Variants in KIRREL3 observed in about 807,000 individuals in gnomAD.
The protein encoded by KIRREL3 is kirre like nephrin family adhesion molecule 3.
A neutral mutation model predicts 89.7 loss-of-function variants in KIRREL3; 36 were observed. That is an observed-to-expected ratio of 0.40 (90% CI 0.31 to 0.53). KIRREL3 has a LOEUF of 0.53. Ranked by LOEUF, KIRREL3 falls within the 20% of genes least tolerant of loss-of-function variation. KIRREL3 has a pLI of 0.49. For synonymous variants in KIRREL3, 445 were observed against 441.4 expected (o/e 1.01, Z -0.10); for missense variants, 864 against 1,056.6 (o/e 0.82, Z 2.53).
In KIRREL3 at chr11:126,513,147, C is replaced by T. The variant is rs1958280696; in HGVS notation, c.433+8168G>A. Among the ~76,000 whole-genome samples the T allele has an allele frequency of 1.3e-5, 2 of 152,168 alleles. No homozygotes were observed. Among genetic ancestry groups the T allele is most frequent in the South Asian group, 2.1e-4 (1 of 4,836 alleles). ...GTGATGGGGGTGCAGCCACTGGGGCCAGGCAACAGCAGGAGGCTGAACCCC... is the reference window on the plus strand; with the variant it reads ...GTGATGGGGGTGCAGCCACTGGGGCTAGGCAACAGCAGGAGGCTGAACCCC... On this transcript the variant is annotated intron_variant, in intron 4 of 16. Transcript: ENST00000525144. This position sits in a 1 kb window ranked among gnomAD's most constrained non-coding sequence, Gnocchi z 5.9.
At position 126,994,187 on chromosome 11, in the gene KIRREL3, T is replaced by G. The variant is rs899340407; in HGVS notation, c.55+6268A>C. Reference sequence around the variant, plus strand: ...GATATCACACTGATTTAACATTAAGTGGTGTGTGCGTGTGTGTGTGTGTAT... The same window carrying G: ...GATATCACACTGATTTAACATTAAGGGGTGTGTGCGTGTGTGTGTGTGTAT... On this transcript the variant is annotated intron_variant, in intron 1 of 16. Coordinates refer to ENST00000525144, the MANE Select transcript of KIRREL3 (RefSeq NM_032531.4). The surrounding 1 kb of genome is among the most constrained non-coding windows in gnomAD (Gnocchi z 5.2). 2.6e-5 allele frequency among the ~76,000 whole-genome samples: 4 copies of G among 151,652 alleles called. No individual in the cohort carries two copies. Among genetic ancestry groups the G allele is most frequent in the African/African-American group, 9.7e-5 (4 of 41,054 alleles).
chr11:126,838,550 G>A (rs1370200161), intron 1 of KIRREL3, among the ~76,000 whole-genome samples: 1 of 152,170 alleles, frequency 6.6e-6, no homozygotes, highest in Non-Finnish European at 1.5e-5. Context: ...TGAGGTTTCT[G>A]TTTTTTAAAG....
chr11:126,506,722 A>C (rs1013279794), intron 4 of KIRREL3, among the ~76,000 whole-genome samples: 2 of 152,252 alleles, frequency 1.3e-5, no homozygotes, highest in Non-Finnish European at 2.9e-5. Context: ...TCTACTCATG[A>C]AAAGTGAAAA....
At chr11:126,449,372 G>T (rs1955940666) in intron 7 of KIRREL3, among the ~76,000 whole-genome samples, 1 of 152,204 alleles carries the variant, frequency 6.6e-6, no homozygotes, top group African/African-American at 2.4e-5. Context: ...GAAGGCAGTG[G>T]GCTTTGGTTT....
intron 10 of KIRREL3, among the ~76,000 whole-genome samples, chr11:126,442,346 ACAC>A (rs759161233): frequency 9.1e-5 from 13 of 143,164 alleles, no homozygotes; most frequent in African/African-American, 1.9e-4. Context: ...ACACACACAC[ACAC>A]ACACAAAACC....
In KIRREL3 at chr11:126,624,816, T is replaced by G. The variant is rs1477439555; in HGVS notation, c.56-61904A>C. Among the ~76,000 whole-genome samples, 4 of 152,272 alleles carry G rather than the reference T, an allele frequency of 2.6e-5. No homozygotes were observed. In the South Asian group the frequency reaches 8.3e-4, roughly 32 times the overall value. On this transcript the variant is annotated intron_variant, in intron 1 of 16. Transcript: ENST00000525144. This position sits in a 1 kb window ranked among gnomAD's most constrained non-coding sequence, Gnocchi z 6.0. Reference sequence around the variant, plus strand: ...TGAGGCCAACTACGGAGGGCAGAGCTGATGGAAGGGCCCGTTGGATACTGA... The same window carrying G: ...TGAGGCCAACTACGGAGGGCAGAGCGGATGGAAGGGCCCGTTGGATACTGA...
intron 1 of KIRREL3, among the ~76,000 whole-genome samples, chr11:126,826,284 T>C (rs1046912850): frequency 3.3e-5 from 5 of 152,126 alleles, no homozygotes; most frequent in African/African-American, 1.2e-4. Flanking sequence ...TCCGGAAAAA[T>C]TTAGATGCTC....
Position 126,703,312 on chromosome 11 carries a change from G to C in KIRREL3, c.56-140400C>G, listed in dbSNP as rs191622981. On this transcript the variant is annotated intron_variant, in intron 1 of 16. Coordinates refer to ENST00000525144, the MANE Select transcript of KIRREL3 (RefSeq NM_032531.4). This position sits in a 1 kb window ranked among gnomAD's most constrained non-coding sequence, Gnocchi z 4.6. ...TGGTCTGCGGAGGAATGGTGCTCCTGAGAGCTGTTCTCTGCAGCAGCTTTG... is the reference window on the plus strand; with the variant it reads ...TGGTCTGCGGAGGAATGGTGCTCCTCAGAGCTGTTCTCTGCAGCAGCTTTG... Among the ~76,000 whole-genome samples the C allele has an allele frequency of 6.6e-6, 1 of 152,376 alleles. No homozygotes were observed. Among genetic ancestry groups the C allele is most frequent in the African/African-American group, 2.4e-5 (1 of 41,584 alleles).
In KIRREL3 at chr11:126,631,120, TATGTATTCATTC is replaced by T. The variant is rs1423576653; in HGVS notation, c.56-68220_56-68209del. On this transcript the variant is annotated intron_variant, in intron 1 of 16. Transcript: ENST00000525144. Reference sequence around the variant, plus strand: ...GTTGTCTGTGCAATCAGTCTGTATGTATGTATTCATTCATTCATTCATTCATTCATTCATTCA... The same window carrying T: ...GTTGTCTGTGCAATCAGTCTGTATGTATTCATTCATTCATTCATTCATTCA... Among the ~76,000 whole-genome samples the T allele has an allele frequency of 5.7e-3, 800 of 139,654 alleles. 8 individuals are homozygous for T. Among genetic ancestry groups the T allele is most frequent in the East Asian group, 0.014 (62 of 4,312 alleles). 91.6% of individuals were successfully genotyped at this position (139,654 alleles called of 152,430 possible).
Position 126,683,823 on chromosome 11 carries a change from C to G in KIRREL3, c.56-120911G>C, listed in dbSNP as rs1375897340. ...ATGCAAACTGCTTATGTGGTAGAAA[C>G]AGGAAGCCGTCTTGAAACCCTCGCC... On this transcript the variant is annotated intron_variant, in intron 1 of 16. Transcript: ENST00000525144. This position sits in a 1 kb window ranked among gnomAD's most constrained non-coding sequence, Gnocchi z 5.2. Among the ~76,000 whole-genome samples the G allele has an allele frequency of 6.6e-6, 1 of 152,220 alleles. No individual in the cohort carries two copies. Among genetic ancestry groups the G allele is most frequent in the African/African-American group, 2.4e-5 (1 of 41,460 alleles).
At chr11:126,973,337 T>G (rs1297497813) in intron 1 of KIRREL3, among the ~76,000 whole-genome samples, 1 of 152,130 alleles carries the variant, frequency 6.6e-6, no homozygotes. Flanking sequence ...TTCAGTTGCA[T>G]AGAGAGCTGC....
intron 4 of KIRREL3, among the ~76,000 whole-genome samples, chr11:126,507,006 T>C (rs1958042291): frequency 1.3e-5 from 2 of 152,194 alleles, no homozygotes; most frequent in Non-Finnish European, 2.9e-5. Flanking sequence ...GAATGTGGTA[T>C]ATCCATATAA....
At chr11:126,849,664 T>C (rs1343657005) in intron 1 of KIRREL3, among the ~76,000 whole-genome samples, 1 of 152,118 alleles carries the variant, frequency 6.6e-6, no homozygotes, top group African/African-American at 2.4e-5. Flanking sequence ...TCACAGACAT[T>C]TGACTAAAGG....
rs1951053296 is a variant in KIRREL3, at chr11:126,802,064, C to T, written c.55+198391G>A. On this transcript the variant is annotated intron_variant, in intron 1 of 16. Transcript: ENST00000525144. This position sits in a 1 kb window ranked among gnomAD's most constrained non-coding sequence, Gnocchi z 5.2. ...ATTGCTATTCCATAGGCAAATGATG[C>T]TGCCAAACAGTCATTTGTGGCTGTG... 6.6e-6 allele frequency among the ~76,000 whole-genome samples: 1 copy of T among 152,176 alleles called. No individual in the cohort carries two copies. Among genetic ancestry groups the T allele is most frequent in the African/African-American group, 2.4e-5 (1 of 41,456 alleles).
intron 1 of KIRREL3, among the ~76,000 whole-genome samples, chr11:126,854,523 G>T (rs1250335899): frequency 2.0e-5 from 3 of 151,998 alleles, no homozygotes; most frequent in African/African-American, 4.8e-5. Flanking sequence ...TGTATTCCAG[G>T]TTCATCCATG....
chr11:126,429,309 T>C lies in KIRREL3; in HGVS notation c.1697-21A>G. 1 of 1,534,778 alleles carries C rather than the reference T, an allele frequency of 6.5e-7. No individual in the cohort carries two copies. The highest frequency in any genetic ancestry group is 1.1e-5 in the South Asian group (1 of 89,324). On this transcript the variant is annotated intron_variant, in intron 14 of 16. Transcript: ENST00000525144. The surrounding 1 kb of genome is among the most constrained non-coding windows in gnomAD (Gnocchi z 5.2). ...GAGATCTGGAGATAAAATAGTAAAGTGTAGATGATAGATTTAGTTCTTACC... is the reference window on the plus strand; with the variant it reads ...GAGATCTGGAGATAAAATAGTAAAGCGTAGATGATAGATTTAGTTCTTACC...
Position 126,880,095 on chromosome 11 carries a change from A to G in KIRREL3, c.55+120360T>C, listed in dbSNP as rs768803564. Among the ~76,000 whole-genome samples the G allele has an allele frequency of 1.1e-3, 163 of 152,296 alleles. 1 individual carries two copies. The highest frequency in any genetic ancestry group is 3.4e-3 in the Middle Eastern group (1 of 294). The stretch of plus-strand genomic sequence containing the variant: ...CCTTTCTTGGATGAATGGATTAGCC[A>G]ATACAGATGTGCGAATTATCCTTAA... On this transcript the variant is annotated intron_variant, in intron 1 of 16. Transcript: ENST00000525144.
chr11:126,815,779 C>A (rs1951552054), intron 1 of KIRREL3, among the ~76,000 whole-genome samples: 1 of 152,268 alleles, frequency 6.6e-6, no homozygotes, highest in African/African-American at 2.4e-5. Context: ...TCGTGATCTG[C>A]CCACCTCGGC....
intron 1 of KIRREL3, among the ~76,000 whole-genome samples, chr11:126,572,584 C>A (rs1015382269): frequency 4.7e-5 from 4 of 84,566 alleles, no homozygotes; most frequent in African/African-American, 1.6e-4. Flanking sequence ...CCCCCCCCCG[C>A]CAAGCAGGTG....
Sources: gnomAD v4.1 joint callset for allele counts (sites outside exome capture counted in the v4.1 genomes callset) on GRCh38, gnomAD v4.1.1 for gene constraint, Gnocchi (gnomAD v3.1) non-coding constraint, MANE v1.5 for transcripts, NCBI Gene and HGNC (gene_info 2026-07-23, HGNC 2026-07-21) for gene names.